Variants in ZDHHC17 observed in about 807,000 individuals in gnomAD.
ZDHHC17 encodes the protein palmitoyltransferase ZDHHC17.
In ZDHHC17, 40 loss-of-function variants were observed where a neutral mutation model predicts 90.3. That is an observed-to-expected ratio of 0.44 (90% CI 0.34 to 0.58). The LOEUF is 0.58. Among genes scored for constraint, ZDHHC17 ranks in the 20% least tolerant of loss-of-function variants. The probability of loss-of-function intolerance (pLI) is 0.01; values close to 1 mark genes in which losing one functional copy is unlikely to be tolerated. For synonymous variants in ZDHHC17, 235 were observed against 252.4 expected (o/e 0.93, Z 0.65); for missense variants, 614 against 780.8 (o/e 0.79, Z 2.55).
At chr12:76,826,004 A>G (rs1005227468) in intron 8 of ZDHHC17, among the ~76,000 whole-genome samples, 3 of 152,082 alleles carry the variant, frequency 2.0e-5, no homozygotes, top group African/African-American at 7.2e-5. Flanking sequence ...TTTTTTGTAG[A>G]GACATGTTTT....
At chr12:76,817,474 CCTT>C (rs1338143303) in intron 7 of ZDHHC17, among the ~76,000 whole-genome samples, 16 of 151,854 alleles carry the variant, frequency 1.1e-4, no homozygotes, top group South Asian at 1.0e-3. Context: ...ACTCTGTAGA[CCTT>C]CTGCCAATAG....
At chr12:76,775,770 T>G (rs1952551818) in intron 1 of ZDHHC17, among the ~76,000 whole-genome samples, 1 of 152,186 alleles carries the variant, frequency 6.6e-6, no homozygotes, top group Non-Finnish European at 1.5e-5. Context: ...CTTACTTTCT[T>G]TCTGCAGTTC....
chr12:76,766,902 C>T (rs1196049917), intron 1 of ZDHHC17, among the ~76,000 whole-genome samples: 1 of 151,888 alleles, frequency 6.6e-6, no homozygotes, highest in East Asian at 1.9e-4. Flanking sequence ...CGCCTGTAGT[C>T]CCAGCTAATC....
chr12:76,782,540 C>G (rs898065367), intron 1 of ZDHHC17, among the ~76,000 whole-genome samples: 1 of 152,162 alleles, frequency 6.6e-6, no homozygotes, highest in African/African-American at 2.4e-5. Context: ...GCTGTTCAGT[C>G]TAGTGACATC....
Position 76,853,482 on chromosome 12 carries a change from T to C in ZDHHC17, c.*2497T>C, listed in dbSNP as rs1010605103. 6 of 152,570 alleles carry C rather than the reference T, an allele frequency of 3.9e-5. No homozygotes were observed. Among genetic ancestry groups the C allele is most frequent in the Non-Finnish European group, 7.4e-5 (5 of 67,984 alleles). 9.5% of individuals were successfully genotyped at this position (152,570 alleles called of 1,614,324 possible). Reference sequence around the variant, plus strand: ...GTTGTTTCCAGGAATTTATTTGATATTAATGGGCGTAAAACAGCATCATTG... The same window carrying C: ...GTTGTTTCCAGGAATTTATTTGATACTAATGGGCGTAAAACAGCATCATTG... On this transcript the variant is annotated 3_prime_UTR_variant, in exon 17 of 17. Coordinates refer to ENST00000426126, the MANE Select transcript of ZDHHC17 (RefSeq NM_015336.4).
intron 7 of ZDHHC17, 130 bp from the exon 8 acceptor site, chr12:76,822,276 T>A: frequency 1.7e-6 from 2 of 1,164,016 alleles, no homozygotes; most frequent in Non-Finnish European, 2.4e-6. Flanking sequence ...CAGGTGTTTT[T>A]AGTAATTTAC....
chr12:76,851,555 T>G lies in ZDHHC17; in HGVS notation c.*570T>G, dbSNP rs895455292. 1 of 152,816 alleles carries G rather than the reference T, an allele frequency of 6.5e-6. No individual in the cohort carries two copies. The highest frequency in any genetic ancestry group is 2.4e-5 in the African/African-American group (1 of 41,458). The allele number at this position is 152,816 out of a possible 1,614,324, so 9.5% of individuals were successfully genotyped here. On this transcript the variant is annotated 3_prime_UTR_variant, in exon 17 of 17. Coordinates refer to ENST00000426126, the MANE Select transcript of ZDHHC17 (RefSeq NM_015336.4). The stretch of plus-strand genomic sequence containing the variant: ...AGAAAATAATGTTCACAATAAAATG[T>G]GCTAACAATGTTTTGTTTCTATCAG...
At chr12:76,806,850 A>G (rs1436650964) in intron 3 of ZDHHC17, among the ~76,000 whole-genome samples, 1 of 152,254 alleles carries the variant, frequency 6.6e-6, no homozygotes, top group Admixed American at 6.5e-5. Context: ...ACTACTTGCT[A>G]TGTTAAGTGC....
intron 10 of ZDHHC17, among the ~76,000 whole-genome samples, chr12:76,831,186 T>TA (rs1953295815): frequency 6.6e-6 from 1 of 152,168 alleles, no homozygotes; most frequent in South Asian, 2.1e-4. Flanking sequence ...CTTGAGAAAA[T>TA]AAACACCTGA....
intron 15 of ZDHHC17, 30 bp from the exon 16 acceptor site, chr12:76,849,346 A>G: frequency 8.7e-7 from 1 of 1,148,324 alleles, no homozygotes. Flanking sequence ...AAAAAACAAG[A>G]ATAATGGTTT....
At chr12:76,811,615 T>C (rs1953022557) in intron 5 of ZDHHC17, among the ~76,000 whole-genome samples, 1 of 152,204 alleles carries the variant, frequency 6.6e-6, no homozygotes, top group African/African-American at 2.4e-5. Flanking sequence ...AGAAATAGTT[T>C]TTTTTTTCCA....
rs948983884 is a variant in ZDHHC17, at chr12:76,824,748, CAGG to C, written c.898-2155_898-2153del. Reference sequence around the variant, plus strand: ...GTCCCAGCTAGTAGGGAGGCAGAGGCAGGAGGATTGGTTGAGCCCGGAAGGTTG... The same window carrying C: ...GTCCCAGCTAGTAGGGAGGCAGAGGCAGGATTGGTTGAGCCCGGAAGGTTG... On this transcript the variant is annotated intron_variant, in intron 8 of 16. Transcript: ENST00000426126. Among the ~76,000 whole-genome samples the C allele has an allele frequency of 1.4e-3, 212 of 151,340 alleles. 1 individual carries two copies. The highest frequency in any genetic ancestry group is 4.8e-3 in the African/African-American group (199 of 41,202).
chr12:76,791,691 G>T (rs545164039), intron 1 of ZDHHC17, among the ~76,000 whole-genome samples: 2 of 152,096 alleles, frequency 1.3e-5, no homozygotes, highest in South Asian at 4.2e-4. Flanking sequence ...TAGCATAGAC[G>T]CAACAAGTCA....
intron 10 of ZDHHC17, among the ~76,000 whole-genome samples, chr12:76,839,721 C>T (rs1482862624): frequency 6.6e-6 from 1 of 152,056 alleles, no homozygotes; most frequent in African/African-American, 2.4e-5. Context: ...TAAATTAAAA[C>T]GATAAAATAG....
In ZDHHC17 at chr12:76,853,515, G is replaced by A. The variant is rs1341919374; in HGVS notation, c.*2530G>A. On this transcript the variant is annotated 3_prime_UTR_variant, in exon 17 of 17. Transcript: ENST00000426126. Reference sequence around the variant, plus strand: ...CGTAAAACAGCATCATTGTACTTAAGCTATGGATGTTTTTATTTTATATTT... The same window carrying A: ...CGTAAAACAGCATCATTGTACTTAAACTATGGATGTTTTTATTTTATATTT... 6.6e-6 allele frequency: 1 copy of A among 152,294 alleles called. No homozygotes were observed. Among genetic ancestry groups the A allele is most frequent in the African/African-American group, 2.4e-5 (1 of 41,386 alleles). 9.4% of individuals were successfully genotyped at this position (152,294 alleles called of 1,614,324 possible).
At chr12:76,801,887 A>G (rs1190926227) in intron 2 of ZDHHC17, among the ~76,000 whole-genome samples, 2 of 152,224 alleles carry the variant, frequency 1.3e-5, no homozygotes, top group Non-Finnish European at 2.9e-5. Context: ...AACAATATGT[A>G]GACACACAGA....
At chr12:76,786,272 T>A (rs182753535) in intron 1 of ZDHHC17, among the ~76,000 whole-genome samples, 18 of 152,042 alleles carry the variant, frequency 1.2e-4, no homozygotes, top group Non-Finnish European at 1.8e-4. Context: ...CTGGCTAATT[T>A]TTTTTATTTT....
At chr12:76,809,672 A>G in intron 4 of ZDHHC17, 41 bp from the exon 5 acceptor site, 1 of 1,355,960 alleles carries the variant, frequency 7.4e-7, no homozygotes, top group Non-Finnish European at 9.5e-7. Flanking sequence ...CCTGTTTGAA[A>G]TAACTTTATA....
chr12:76,828,868 G>A (rs949787626), intron 10 of ZDHHC17, among the ~76,000 whole-genome samples: 6 of 152,020 alleles, frequency 3.9e-5, no homozygotes, highest in African/African-American at 1.5e-4. Flanking sequence ...GATATATTGT[G>A]TAATGGAGAA....
Sources: allele counts gnomAD v4.1 joint callset (sites outside exome capture counted in the v4.1 genomes callset), GRCh38; gene constraint gnomAD v4.1.1; transcripts MANE v1.5; gene names NCBI Gene and HGNC (gene_info 2026-07-23, HGNC 2026-07-21).